CEP128: variants seen among roughly 807,000 people sequenced by gnomAD.
CEP128 encodes centrosomal protein 128kDa.
CEP128 carries 132 observed loss-of-function variants against 156.7 expected under a neutral mutation model. The ratio of observed to expected loss-of-function variants is 0.84; its 90% CI spans 0.73 to 0.97. The LOEUF is 0.97. CEP128 is among the 50% of genes least tolerant of loss of function. The pLI is 0.00. For missense variants in CEP128, 1,252 were observed against 1,281.9 expected (o/e 0.98, Z 0.36); for synonymous variants, 469 against 448.9 (o/e 1.04, Z -0.57).
chr14:80,731,632 T>C (rs1898276289), intron 19 of CEP128, among the ~76,000 whole-genome samples: 1 of 152,138 alleles, frequency 6.6e-6, no homozygotes, highest in African/African-American at 2.4e-5. Flanking sequence ...AAAGCAAATC[T>C]ATAATTTCTC....
At chr14:80,886,946 A>G (rs1888836531) in intron 8 of CEP128, among the ~76,000 whole-genome samples, 1 of 152,228 alleles carries the variant, frequency 6.6e-6, no homozygotes, top group African/African-American at 2.4e-5. Context: ...TTTACTAAGC[A>G]AATGGAAAGC....
chr14:80,947,167 G>A (rs1421844546), intron 2 of CEP128, among the ~76,000 whole-genome samples: 2 of 152,134 alleles, frequency 1.3e-5, no homozygotes, highest in Non-Finnish European at 2.9e-5. Context: ...ATAGCAGTGT[G>A]AGAATGGACT....
intron 13 of CEP128, among the ~76,000 whole-genome samples, chr14:80,817,696 C>G (rs559103075): frequency 1.3e-5 from 2 of 152,064 alleles, no homozygotes; most frequent in Non-Finnish European, 2.9e-5. Flanking sequence ...TCCTGGCCAA[C>G]GTGATGAAAC....
intron 8 of CEP128, chr14:80,894,491 T>C: frequency 2.5e-6 from 1 of 398,870 alleles, no homozygotes; most frequent in South Asian, 1.9e-5. Flanking sequence ...TATTTTAGAC[T>C]GGTACAATGT....
chr14:80,741,332 A>C (rs1257532329), intron 19 of CEP128, among the ~76,000 whole-genome samples: 1 of 152,098 alleles, frequency 6.6e-6, no homozygotes, highest in Admixed American at 6.6e-5. Context: ...CTTATACCTA[A>C]ATCCTCCCAG....
At chr14:80,784,859 T>G (rs1901310868) in intron 15 of CEP128, 36 bp downstream of exon 15, 6 of 1,518,112 alleles carry the variant, frequency 4.0e-6, no homozygotes, top group Non-Finnish European at 5.3e-6. Context: ...CCAGAAAAAT[T>G]CCTTCAGTAT....
chr14:80,678,435 C>T (rs1896179215), intron 19 of CEP128, among the ~76,000 whole-genome samples: 1 of 151,554 alleles, frequency 6.6e-6, no homozygotes. Flanking sequence ...TCTCCCCCCA[C>T]AAAATGGCAG....
At chr14:80,932,915 T>C (rs1032453163) in intron 2 of CEP128, among the ~76,000 whole-genome samples, 2 of 152,130 alleles carry the variant, frequency 1.3e-5, no homozygotes, top group Non-Finnish European at 2.9e-5. Context: ...ATAATGATTT[T>C]TTAAAAGGAC....
At chr14:80,623,342 G>A (rs1404325903) in intron 19 of CEP128, among the ~76,000 whole-genome samples, 1 of 151,492 alleles carries the variant, frequency 6.6e-6, no homozygotes, top group Admixed American at 6.6e-5. Context: ...ATAGCATTGG[G>A]AGATATACCT....
intron 19 of CEP128, among the ~76,000 whole-genome samples, chr14:80,637,568 T>C (rs925590827): frequency 3.3e-5 from 5 of 152,188 alleles, no homozygotes; most frequent in Non-Finnish European, 5.9e-5. Flanking sequence ...ATAAAGAAAC[T>C]ACTCCGGATA....
chr14:80,853,673 C>T (rs556358327), intron 9 of CEP128, among the ~76,000 whole-genome samples: 28 of 151,958 alleles, frequency 1.8e-4, no homozygotes, highest in Admixed American at 5.2e-4. Context: ...GTACTTAATA[C>T]AATCGCAATA....
chr14:80,569,933 G>A (rs1334427421), intron 20 of CEP128, among the ~76,000 whole-genome samples: 1 of 152,182 alleles, frequency 6.6e-6, no homozygotes, highest in African/African-American at 2.4e-5. Flanking sequence ...GTATTACCGA[G>A]AGAGGCAGAT....
intron 6 of CEP128, among the ~76,000 whole-genome samples, chr14:80,900,953 T>C (rs1048083414): frequency 2.0e-5 from 3 of 151,926 alleles, no homozygotes; most frequent in Admixed American, 1.3e-4. Flanking sequence ...ACGCCTGTAA[T>C]CCCAGCACTT....
intron 8 of CEP128, among the ~76,000 whole-genome samples, chr14:80,883,917 C>T (rs894838167): frequency 2.6e-5 from 4 of 152,198 alleles, no homozygotes; most frequent in Middle Eastern, 6.8e-3. Context: ...AACCCAGAAG[C>T]ACATCCATAC....
intron 8 of CEP128, among the ~76,000 whole-genome samples, chr14:80,885,511 C>T (rs1285151849): frequency 6.6e-6 from 1 of 152,168 alleles, no homozygotes; most frequent in Admixed American, 6.5e-5. Context: ...CTCCAGCAAA[C>T]TCCAGCAGAC....
chr14:80,955,975 T>G, intron 2 of CEP128: 1 of 1,163,554 alleles, frequency 8.6e-7, no homozygotes, highest in East Asian at 2.4e-5. Context: ...TATGTGTGAG[T>G]GAATGTCTGT....
chr14:80,815,926 G>A (rs547415622), intron 13 of CEP128, among the ~76,000 whole-genome samples: 3 of 152,152 alleles, frequency 2.0e-5, no homozygotes, highest in African/African-American at 2.4e-5. Context: ...GGAGACCCAC[G>A]TGGAATAATA....
chr14:80,495,630 G>A (rs1887467522), downstream of CEP128, among the ~76,000 whole-genome samples: 2 of 151,796 alleles, frequency 1.3e-5, no homozygotes, highest in Admixed American at 1.3e-4. Flanking sequence ...TAAATAATTT[G>A]AGTTACTTTA....
At chr14:80,660,902 A>G (rs959257453) in intron 19 of CEP128, among the ~76,000 whole-genome samples, 2 of 152,136 alleles carry the variant, frequency 1.3e-5, no homozygotes, top group African/African-American at 4.8e-5. Flanking sequence ...TTTTACTCCA[A>G]AAAAATTCTA....
Sources: allele counts gnomAD v4.1 joint callset (sites outside exome capture counted in the v4.1 genomes callset), GRCh38; gene constraint gnomAD v4.1.1; transcripts MANE v1.5; gene names NCBI Gene and HGNC (gene_info 2026-07-23, HGNC 2026-07-21).